MUC4: variants seen among roughly 807,000 people sequenced by gnomAD.
The protein encoded by MUC4 is mucin-4.
MUC4 carries 202 observed loss-of-function variants against 257.9 expected under a neutral mutation model. The ratio of observed to expected loss-of-function variants is 0.78; its 90% CI spans 0.70 to 0.88. MUC4 has a LOEUF of 0.88. Among genes scored for constraint, MUC4 ranks in the 40% least tolerant of loss-of-function variants. The pLI, the probability that MUC4 is intolerant of heterozygous loss-of-function variation, is 0.00. For synonymous variants in MUC4, 2,351 were observed against 2,757.1 expected (o/e 0.85, Z 4.62); for missense variants, 5,976 against 6,513.7 (o/e 0.92, Z 2.84).
intron 8 of MUC4, 28 bp from the exon 9 acceptor site, chr3:195,765,477 C>T (rs1449544116): frequency 2.1e-5 from 34 of 1,599,578 alleles, no homozygotes; most frequent in Non-Finnish European, 2.9e-5. Flanking sequence ...GGGGAAAGGG[C>T]TTATCCAGGG....
At chr3:195,778,156 C>G in intron 3 of MUC4, 147 bp downstream of exon 3, 1 of 1,090,036 alleles carries the variant, frequency 9.2e-7, no homozygotes, top group Non-Finnish European at 1.3e-6. Flanking sequence ...ACAAAGCCAG[C>G]CCTCAGGAGC....
intron 3 of MUC4, among the ~76,000 whole-genome samples, chr3:195,777,630 C>T (rs1158314754): frequency 2.4e-4 from 26 of 109,652 alleles, no homozygotes; most frequent in Non-Finnish European, 4.2e-4. Flanking sequence ...CCTTCCACAC[C>T]CATACCTTCC....
rs763983469 is a variant in MUC4, at chr3:195,767,938, TACCACC to T, written c.13529+1078_13529+1083del. 7.8e-4 allele frequency among the ~76,000 whole-genome samples: 52 copies of T among 66,730 alleles called. 1 individual carries two copies. The highest frequency in any genetic ancestry group is 3.7e-3 in the Admixed American group (27 of 7,224). 43.8% of individuals were successfully genotyped at this position (66,730 alleles called of 152,430 possible). A position where few individuals can be genotyped will look rare whatever the true frequency, so the allele number is the denominator to read the frequency against. Reference sequence around the variant, plus strand: ...TCGCCACTGCCACCTCCACCGCCACTACCACCACCACCACCACCACCACCACCACTA... The same window carrying T: ...TCGCCACTGCCACCTCCACCGCCACTACCACCACCACCACCACCACCACTA... On this transcript the variant is annotated intron_variant, in intron 7 of 24. Coordinates refer to ENST00000463781, the MANE Select transcript of MUC4 (RefSeq NM_018406.7).
At position 195,780,309 on chromosome 3, in the gene MUC4, G is replaced by A. The variant is rs1175248179; in HGVS notation, c.11271C>T (p.His3757=). 59 of 1,525,470 alleles carry A rather than the reference G, an allele frequency of 3.9e-5. No homozygotes were observed. The highest frequency in any genetic ancestry group is 3.5e-4 in the African/African-American group (25 of 70,966). The allele number at this position is 1,525,470 out of a possible 1,614,324, so 94.5% of individuals were successfully genotyped here. A position where few individuals can be genotyped will look rare whatever the true frequency, so the allele number is the denominator to read the frequency against. The change falls in exon 2 of 25, where the codon CAC becomes CAT. Residue 3757 remains histidine, a synonymous_variant. Coordinates refer to ENST00000463781, the MANE Select transcript of MUC4 (RefSeq NM_018406.7). The part of the protein sequence containing the change: ...VTSTSSASTG[H]ATPLLVTDAS... ...CGTCGGTGACAAGAAGAGGGGTGGC[G>A]TGACCTGTGGATGCTGAGGAAGTGC... is the stretch of plus-strand genomic sequence containing the variant.
rs201108971 is a variant in MUC4 at position 195,790,099 on chromosome 3, C to T, written c.1481G>A (p.Ser494Asn). Reference protein sequence around the residue: ...ETTTWPSSFSSKGHTTWSQTE... With the variant: ...ETTTWPSSFSNKGHTTWSQTE... ...TTGTGACCAAGTTGTGTGGCCTTTG[C>T]TGGAGAATGAGGAAGGCCATGTTGT... Residue 494 changes from serine (S) to asparagine (N), a missense_variant, in exon 2 of 25, where the codon AGC (serine) becomes AAC (asparagine). Transcript: ENST00000463781. 105 of 1,613,896 alleles carry T rather than the reference C, an allele frequency of 6.5e-5. 1 individual carries two copies. The highest frequency in any genetic ancestry group is 2.9e-5 in the Non-Finnish European group (34 of 1,179,902).
intron 23 of MUC4, among the ~76,000 whole-genome samples, chr3:195,749,338 G>T (rs866775926): frequency 3.7e-4 from 53 of 144,542 alleles, no homozygotes; most frequent in African/African-American, 1.5e-3. Flanking sequence ...AGGGAAAAAG[G>T]TTCCTGTGGA....
At chr3:195,767,468 C>CCACCAT (rs1398853127) in intron 7 of MUC4, among the ~76,000 whole-genome samples, 6 of 140,204 alleles carry the variant, frequency 4.3e-5, no homozygotes, top group East Asian at 4.1e-4. Flanking sequence ...AACACTACCA[C>CCACCAT]CACCATCACC....
chr3:195,767,838 CCACCACCATCGCCACCATCACCCCCAA>C (rs1721737832), intron 7 of MUC4, among the ~76,000 whole-genome samples: 1 of 135,262 alleles, frequency 7.4e-6, no homozygotes, highest in Admixed American at 7.1e-5. Context: ...ACCATCACCA[CCACCACCATCGCCACCATCACCCCCAA>C]CACCACCACC....
chr3:195,768,979 C>G (rs1254785183), intron 7 of MUC4, 43 bp downstream of exon 7: 1 of 1,590,810 alleles, frequency 6.3e-7, no homozygotes, highest in Admixed American at 1.7e-5. Context: ...CTCTACACCC[C>G]TCCCTGCCAA....
At position 195,782,253 on chromosome 3, in the gene MUC4, G is replaced by A. The variant is rs1410268190; in HGVS notation, c.9327C>T (p.Ser3109=). The change falls in exon 2 of 25, where the codon AGC becomes AGT. Residue 3109 remains serine, a synonymous_variant. Coordinates refer to ENST00000463781, the MANE Select transcript of MUC4 (RefSeq NM_018406.7). ...TGTGACCTGTGGATGCTGAGGAAGGGCTAGTGACAGGAAGAGGCGTGGTGT... is the reference window on the plus strand; with the variant it reads ...TGTGACCTGTGGATGCTGAGGAAGGACTAGTGACAGGAAGAGGCGTGGTGT... ...TGDTTPLPVT[S]PSSASTGHTT... is the part of the protein sequence containing the mutation. 1 of 1,514,234 alleles carries A rather than the reference G, an allele frequency of 6.6e-7. No homozygotes were observed. Among genetic ancestry groups the A allele is most frequent in the African/African-American group, 1.4e-5 (1 of 69,070 alleles). The allele number at this position is 1,514,234 out of a possible 1,614,324, so 93.8% of individuals were successfully genotyped here. A position where few individuals can be genotyped will look rare whatever the true frequency, so the allele number is the denominator to read the frequency against.
At chr3:195,778,206 C>A in intron 3 of MUC4, 97 bp downstream of exon 3, 1 of 1,436,482 alleles carries the variant, frequency 7.0e-7, no homozygotes, top group Admixed American at 2.5e-5. Flanking sequence ...AAGGCCCTCC[C>A]CACCCGAGAG....
Position 195,774,309 on chromosome 3 carries a change from G to T in MUC4, c.12944-4C>A. On this transcript the variant is annotated splice_polypyrimidine_tract_variant and splice_region_variant and intron_variant, in intron 3 of 24. Coordinates refer to ENST00000463781, the MANE Select transcript of MUC4 (RefSeq NM_018406.7). ...CCATAGGGGAAGAGGGAAACTCCTGGGCCAGGACAGAGAAGAGCAGGAAGT... is the reference window on the plus strand; with the variant it reads ...CCATAGGGGAAGAGGGAAACTCCTGTGCCAGGACAGAGAAGAGCAGGAAGT... 1 of 1,537,932 alleles carries T rather than the reference G, an allele frequency of 6.5e-7. No individual in the cohort carries two copies. Among genetic ancestry groups the T allele is most frequent in the Non-Finnish European group, 8.7e-7 (1 of 1,146,378 alleles).
chr3:195,765,581 G>A lies in MUC4; in HGVS notation c.13619-132C>T, dbSNP rs1026954407. ...TTCTCACCTCTTTGGACCCAAGTCA[G>A]ATGGGCAACAATTCCTCCCCCAAAG... On this transcript the variant is annotated intron_variant, in intron 8 of 24. Coordinates refer to ENST00000463781, the MANE Select transcript of MUC4 (RefSeq NM_018406.7). The A allele has an allele frequency of 5.7e-6, 5 of 880,604 alleles. No homozygotes were observed. The African/African-American group carries it at 6.8e-5, about 12-fold the overall frequency. 54.5% of individuals were successfully genotyped at this position (880,604 alleles called of 1,614,324 possible). A position where few individuals can be genotyped will look rare whatever the true frequency, so the allele number is the denominator to read the frequency against.
intron 1 of MUC4, among the ~76,000 whole-genome samples, chr3:195,808,798 C>T (rs1736321101): frequency 6.6e-6 from 1 of 152,108 alleles, no homozygotes; most frequent in South Asian, 2.1e-4. Flanking sequence ...TCCTGGAGCA[C>T]AGTGGGGTTT....
At chr3:195,794,939 G>A (rs1734389428) in intron 1 of MUC4, among the ~76,000 whole-genome samples, 2 of 152,202 alleles carry the variant, frequency 1.3e-5, no homozygotes. Flanking sequence ...AAAGGCACGG[G>A]CTGAACCGCA....
At chr3:195,811,691 A>G (rs1443496332) in intron 1 of MUC4, 45 bp downstream of exon 1, 1 of 1,585,238 alleles carries the variant, frequency 6.3e-7, no homozygotes, top group East Asian at 2.2e-5. Flanking sequence ...CACCTCCCCC[A>G]AGTGCTCCCC....
rs1718895467 is a variant in MUC4, at chr3:195,761,467, A to G, written c.14614+17T>C. 2 of 1,603,000 alleles carry G rather than the reference A, an allele frequency of 1.2e-6. No individual in the cohort carries two copies. Among genetic ancestry groups the G allele is most frequent in the African/African-American group, 2.7e-5 (2 of 74,746 alleles). ...CCCTCACCTGCCCCTCTGCCCCAGG[A>G]CCCTGCCCAGACTCACAGGTCATTC... On this transcript the variant is annotated intron_variant, in intron 15 of 24. Coordinates refer to ENST00000463781, the MANE Select transcript of MUC4 (RefSeq NM_018406.7).
chr3:195,776,897 T>A (rs866745556), intron 3 of MUC4, among the ~76,000 whole-genome samples: 100 of 208 alleles, frequency 0.48, 42 homozygotes, highest in South Asian at 1. Flanking sequence ...TTCCACACCC[T>A]TACCTTCCAC....
chr3:195,755,286 C>T lies in MUC4; in HGVS notation c.15169-914G>A, dbSNP rs1010543173. On this transcript the variant is annotated intron_variant, in intron 18 of 24. Coordinates refer to ENST00000463781, the MANE Select transcript of MUC4 (RefSeq NM_018406.7). The surrounding 1 kb of genome is among the most constrained non-coding windows in gnomAD (Gnocchi z 5.0). ...TCTCGGCTCACTGCAATGTCCCCCT[C>T]CCAAGTTAAAGCAATTCTTGTGCCT... Among the ~76,000 whole-genome samples, 3 of 151,994 alleles carry T rather than the reference C, an allele frequency of 2.0e-5. No homozygotes were observed. The highest frequency in any genetic ancestry group is 7.3e-5 in the African/African-American group (3 of 41,366).
Sources: gnomAD v4.1 joint callset for allele counts (sites outside exome capture counted in the v4.1 genomes callset) on GRCh38, gnomAD v4.1.1 for gene constraint, Gnocchi (gnomAD v3.1) non-coding constraint, MANE v1.5 for transcripts, NCBI Gene and HGNC (gene_info 2026-07-23, HGNC 2026-07-21) for gene names.